The following PCDH15 variants were observed in gnomAD, a reference collection of about 807,000 sequenced individuals.
PCDH15 encodes the protein protocadherin-15.
In PCDH15, 129 loss-of-function variants were observed where a neutral mutation model predicts 178.5. The observed-to-expected ratio is 0.72, with a 90% CI of 0.63 to 0.84. PCDH15 has a LOEUF of 0.84. Ranked by LOEUF, PCDH15 falls within the 40% of genes least tolerant of loss-of-function variation. PCDH15 has a pLI of 0.00. For missense variants in PCDH15, 2,230 were observed against 2,099.9 expected (o/e 1.06, Z -1.21); for synonymous variants, 800 against 732.0 (o/e 1.09, Z -1.50).
At chr10:54,549,199 T>A (rs777764073) in intron 2 of PCDH15, among the ~76,000 whole-genome samples, 2 of 149,192 alleles carry the variant, frequency 1.3e-5, no homozygotes, top group African/African-American at 2.4e-5. Flanking sequence ...TTTATCTTCT[T>A]TGTCCTTATT....
At chr10:54,230,642 G>T (rs960868050) in intron 9 of PCDH15, among the ~76,000 whole-genome samples, 1 of 152,052 alleles carries the variant, frequency 6.6e-6, no homozygotes, top group Non-Finnish European at 1.5e-5. Flanking sequence ...CACAGTTAAT[G>T]AAGGTTGATA....
chr10:55,308,849 C>T (rs1564992889), intron 1 of PCDH15, among the ~76,000 whole-genome samples: 1 of 152,256 alleles, frequency 6.6e-6, no homozygotes, highest in East Asian at 1.9e-4. Context: ...AGAATTATAA[C>T]ACAGTTTCAA....
intron 2 of PCDH15, among the ~76,000 whole-genome samples, chr10:54,548,634 A>T: frequency 1.7e-5 from 1 of 59,232 alleles, no homozygotes; most frequent in Admixed American, 2.1e-4. Context: ...TTATATATAA[A>T]TATATAATAC....
At chr10:54,743,735 T>C (rs559891692) in intron 1 of PCDH15, among the ~76,000 whole-genome samples, 2 of 152,094 alleles carry the variant, frequency 1.3e-5, no homozygotes, top group East Asian at 3.9e-4. Flanking sequence ...TCCTAAATAC[T>C]GCTCCTAAAT....
At position 53,941,882 on chromosome 10, in the gene PCDH15, T is replaced by C. The variant is rs116771755; in HGVS notation, c.3123-907A>G. 6.4e-3 allele frequency among the ~76,000 whole-genome samples: 975 copies of C among 152,362 alleles called. 12 individuals are homozygous for C. Among genetic ancestry groups the C allele is most frequent in the African/African-American group, 0.022 (922 of 41,586 alleles). On this transcript the variant is annotated intron_variant, in intron 23 of 37. Transcript: ENST00000644397. ...ATAGGTGTGTGGTGGTATTTATTTT[T>C]ATTTTTTTATCCATATTTATGACAG... is the stretch of plus-strand genomic sequence containing the variant.
At chr10:53,980,220 C>CAAA (rs11393600) in intron 21 of PCDH15, among the ~76,000 whole-genome samples, 67 of 137,392 alleles carry the variant, frequency 4.9e-4, no homozygotes, top group African/African-American at 1.7e-3. Flanking sequence ...GACTCCATCT[C>CAAA]AAAAAAAAAA....
intron 1 of PCDH15, among the ~76,000 whole-genome samples, chr10:55,172,272 G>C (rs1839356550): frequency 6.6e-6 from 1 of 151,574 alleles, no homozygotes; most frequent in African/African-American, 2.4e-5. Flanking sequence ...TTATTTATTG[G>C]CATTATTTCT....
chr10:54,049,291 G>A (rs2093717507), intron 18 of PCDH15, among the ~76,000 whole-genome samples: 1 of 152,028 alleles, frequency 6.6e-6, no homozygotes, highest in South Asian at 2.1e-4. Flanking sequence ...GGTTTTCTAG[G>A]TATAGAATAA....
chr10:55,496,229 C>A (rs967508497), intron 2 of PCDH15, among the ~76,000 whole-genome samples: 15 of 151,286 alleles, frequency 9.9e-5, no homozygotes, highest in Non-Finnish European at 2.1e-4. Context: ...GCAGAAATCC[C>A]ATCAACCAGA....
chr10:55,233,441 T>C (rs1245545867), intron 1 of PCDH15, among the ~76,000 whole-genome samples: 1 of 152,146 alleles, frequency 6.6e-6, no homozygotes, highest in South Asian at 2.1e-4. Flanking sequence ...ATAAAGCACA[T>C]GAAGAATAAG....
At chr10:55,457,478 A>G (rs969070495) in intron 2 of PCDH15, among the ~76,000 whole-genome samples, 2 of 152,046 alleles carry the variant, frequency 1.3e-5, no homozygotes, top group Non-Finnish European at 2.9e-5. Context: ...TTTTTACTAG[A>G]TGACAGTTTT....
intron 2 of PCDH15, among the ~76,000 whole-genome samples, chr10:55,491,138 A>T (rs1840405458): frequency 6.6e-6 from 1 of 151,664 alleles, no homozygotes; most frequent in Non-Finnish European, 1.5e-5. Context: ...CCTCTCTTTT[A>T]GATCTGTTTT....
intron 1 of PCDH15, among the ~76,000 whole-genome samples, chr10:55,217,786 A>ATACT (rs1488653793): frequency 1.3e-5 from 2 of 151,994 alleles, no homozygotes; most frequent in Non-Finnish European, 2.9e-5. Context: ...TTGTACATAA[A>ATACT]TACTTAGCTA....
At chr10:54,484,083 G>A (rs2078918696) in intron 3 of PCDH15, among the ~76,000 whole-genome samples, 1 of 151,826 alleles carries the variant, frequency 6.6e-6, no homozygotes, top group Non-Finnish European at 1.5e-5. Context: ...AGGAAAAATT[G>A]TCTGTAAAAT....
At chr10:54,004,959 A>G (rs984699284) in intron 20 of PCDH15, among the ~76,000 whole-genome samples, 20 of 151,964 alleles carry the variant, frequency 1.3e-4, no homozygotes, top group African/African-American at 4.3e-4. Context: ...CATAAAAAAA[A>G]AAAACACACA....
upstream of PCDH15, among the ~76,000 whole-genome samples, chr10:54,804,423 T>C (rs572209633): frequency 1.3e-5 from 2 of 152,318 alleles, no homozygotes; most frequent in South Asian, 2.1e-4. Flanking sequence ...TCATAAATAC[T>C]GGCAATGCCA....
chr10:53,823,632 GTTTTTT>G (rs199687662), intron 32 of PCDH15: 4 of 509,202 alleles, frequency 7.9e-6, no homozygotes, highest in African/African-American at 2.0e-5. Context: ...TTTTGTTTTT[GTTTTTT>G]TTCAGCTAGT....
chr10:54,785,831 C>T (rs1950817457), intron 1 of PCDH15, among the ~76,000 whole-genome samples: 1 of 151,928 alleles, frequency 6.6e-6, no homozygotes, highest in Non-Finnish European at 1.5e-5. Context: ...TCTAAATCCT[C>T]ACTTATATCT....
At chr10:53,991,973 C>G (rs1000187329) in intron 21 of PCDH15, among the ~76,000 whole-genome samples, 2 of 152,042 alleles carry the variant, frequency 1.3e-5, no homozygotes, top group Non-Finnish European at 2.9e-5. Flanking sequence ...CCCCTTCCAC[C>G]CTGTGGAAGC....
Sources: gnomAD v4.1 joint callset for allele counts (sites outside exome capture counted in the v4.1 genomes callset) on GRCh38, gnomAD v4.1.1 for gene constraint, MANE v1.5 for transcripts, NCBI Gene and HGNC (gene_info 2026-07-23, HGNC 2026-07-21) for gene names.